DNAH6: variants seen among roughly 807,000 people sequenced by gnomAD.
DNAH6 encodes dynein axonemal heavy chain 6, also known as axonemal beta dynein heavy chain 6.
A neutral mutation model predicts 491.4 loss-of-function variants in DNAH6; 340 were observed. That is an observed-to-expected ratio of 0.69 (90% CI 0.63 to 0.76). The LOEUF (loss-of-function observed/expected upper bound fraction) is 0.76. DNAH6 is among the 30% of genes least tolerant of loss of function. DNAH6 has a pLI of 0.00. For missense variants in DNAH6, 4,443 were observed against 4,972.2 expected, an observed-to-expected ratio of 0.89 and a Z score of 3.20; for synonymous variants, 1,603 against 1,686.1, an observed-to-expected ratio of 0.95 and a Z score of 1.21.
the DNAH6 span, among the ~76,000 whole-genome samples, chr2:84,495,726 C>G: frequency 2.0e-5 from 3 of 152,182 alleles, no homozygotes; most frequent in Middle Eastern, 3.4e-3. Context: ...TATATTTGAC[C>G]ACGAGGTGGT....
At position 84,557,719 on chromosome 2, in the gene DNAH6, C is replaced by A; in HGVS notation, c.1603-16C>A. The A allele has an allele frequency of 1.0e-6, 1 of 968,838 alleles. No individual in the cohort carries two copies. The highest frequency in any genetic ancestry group is 1.5e-6 in the Non-Finnish European group (1 of 662,678). The allele number at this position is 968,838 out of a possible 1,614,324, so 60.0% of individuals were successfully genotyped here. A position where few individuals can be genotyped will look rare whatever the true frequency, so the allele number is the denominator to read the frequency against. The stretch of plus-strand genomic sequence containing the variant: ...ATATGTGTTCACATTTATGTTTATG[C>A]TTTTCTCTTTAACAGGATGGTATTT... On this transcript the variant is annotated splice_polypyrimidine_tract_variant and intron_variant, in intron 10 of 76. Transcript: ENST00000389394.
chr2:84,595,506 A>G, intron 17 of DNAH6, 140 bp from the exon 18 acceptor site: 2 of 722,694 alleles, frequency 2.8e-6, no homozygotes, highest in Non-Finnish European at 4.3e-6. Context: ...ATATAATGTT[A>G]TTAGCAATTT....
intron 4 of DNAH6, among the ~76,000 whole-genome samples, chr2:84,543,654 T>C (rs1678480881): frequency 6.6e-6 from 1 of 152,204 alleles, no homozygotes; most frequent in South Asian, 2.1e-4. Flanking sequence ...TTCTTGCTTC[T>C]TTTCTTTACT....
At chr2:84,518,514 G>T (rs1170350281) in intron 2 of DNAH6, among the ~76,000 whole-genome samples, 1 of 152,180 alleles carries the variant, frequency 6.6e-6, no homozygotes, top group Non-Finnish European at 1.5e-5. Flanking sequence ...ATAAACGCAT[G>T]TAAAGAGCAG....
chr2:84,560,213 C>CT (rs1680500390), intron 11 of DNAH6, among the ~76,000 whole-genome samples: 1 of 152,074 alleles, frequency 6.6e-6, no homozygotes, highest in African/African-American at 2.4e-5. Context: ...ACAATCAACT[C>CT]TAAGATATAG....
chr2:84,771,500 C>G (rs1675613808), intron 64 of DNAH6, among the ~76,000 whole-genome samples: 1 of 152,058 alleles, frequency 6.6e-6, no homozygotes, highest in South Asian at 2.1e-4. Context: ...AGGATAAACT[C>G]AAAGACAGCT....
intron 10 of DNAH6, among the ~76,000 whole-genome samples, chr2:84,554,963 C>A (rs1679872442): frequency 6.6e-6 from 1 of 152,230 alleles, no homozygotes; most frequent in Non-Finnish European, 1.5e-5. Flanking sequence ...TTTTTAACTT[C>A]TACACATGAA....
chr2:84,636,768 T>C (rs1688920102), intron 30 of DNAH6, among the ~76,000 whole-genome samples: 1 of 152,060 alleles, frequency 6.6e-6, no homozygotes. Flanking sequence ...GTGCCTGTGG[T>C]CCCAGCTACT....
chr2:84,664,301 G>A (rs1483455529), intron 37 of DNAH6, among the ~76,000 whole-genome samples: 1 of 152,094 alleles, frequency 6.6e-6, no homozygotes, highest in Non-Finnish European at 1.5e-5. Flanking sequence ...GACACAGACT[G>A]GCAAATTGGA....
intron 50 of DNAH6, among the ~76,000 whole-genome samples, chr2:84,703,812 A>G (rs1447958659): frequency 1.3e-5 from 2 of 152,144 alleles, no homozygotes; most frequent in East Asian, 3.8e-4. Flanking sequence ...GAGAATTGTG[A>G]GAAAAGCACC....
chr2:84,670,545 A>G (rs1692630826), intron 39 of DNAH6, 70 bp downstream of exon 39: 1 of 1,039,302 alleles, frequency 9.6e-7, no homozygotes, highest in Non-Finnish European at 1.4e-6. Flanking sequence ...TAAATAGTGC[A>G]TGTAATAAAA....
At chr2:84,652,290 T>TTAA (rs1159017407) in intron 33 of DNAH6, among the ~76,000 whole-genome samples, 3 of 152,068 alleles carry the variant, frequency 2.0e-5, no homozygotes, top group African/African-American at 7.2e-5. Flanking sequence ...CATAAGTGTT[T>TTAA]TAAAGAGAGG....
chr2:84,473,069 G>C, the DNAH6 span, among the ~76,000 whole-genome samples: 6 of 152,096 alleles, frequency 3.9e-5, no homozygotes, highest in African/African-American at 1.4e-4. Flanking sequence ...TCCATTACTA[G>C]ATCCATCAGT....
At chr2:84,600,551 G>A (rs1685113373) in intron 18 of DNAH6, among the ~76,000 whole-genome samples, 1 of 151,922 alleles carries the variant, frequency 6.6e-6, no homozygotes, top group African/African-American at 2.4e-5. Context: ...TTATGACCTT[G>A]ATCATTTTGA....
At chr2:84,781,766 A>T in intron 65 of DNAH6, 113 bp downstream of exon 65, 1 of 1,284,874 alleles carries the variant, frequency 7.8e-7, no homozygotes. Context: ...TCCATATATG[A>T]AAGAGGAGAA....
At chr2:84,630,364 C>T (rs1054142909) in intron 29 of DNAH6, among the ~76,000 whole-genome samples, 1 of 152,082 alleles carries the variant, frequency 6.6e-6, no homozygotes, top group Non-Finnish European at 1.5e-5. Context: ...TTATGATATA[C>T]AAGCTATGAA....
chr2:84,554,842 A>G (rs1679861770), intron 10 of DNAH6, among the ~76,000 whole-genome samples: 1 of 152,192 alleles, frequency 6.6e-6, no homozygotes, highest in Non-Finnish European at 1.5e-5. Context: ...AGATGACAAA[A>G]GGAGGCTCTG....
intron 23 of DNAH6, among the ~76,000 whole-genome samples, chr2:84,617,714 G>A (rs1558804106): frequency 6.6e-6 from 1 of 152,046 alleles, no homozygotes; most frequent in East Asian, 1.9e-4. Context: ...GTGTATATGT[G>A]CACAAACATG....
chr2:84,555,553 A>G (rs1679933291), intron 10 of DNAH6, among the ~76,000 whole-genome samples: 1 of 152,184 alleles, frequency 6.6e-6, no homozygotes, highest in Admixed American at 6.5e-5. Flanking sequence ...AGACGTAAAC[A>G]TATATTTATA....
Sources: allele counts gnomAD v4.1 joint callset (sites outside exome capture counted in the v4.1 genomes callset), GRCh38; gene constraint gnomAD v4.1.1; transcripts MANE v1.5; gene names NCBI Gene and HGNC (gene_info 2026-07-23, HGNC 2026-07-21).